TTC17: variants seen among roughly 807,000 people sequenced by gnomAD.
The protein encoded by TTC17 is tetratricopeptide repeat domain 17, also known as tetratricopeptide repeat protein 17.
Under a neutral mutation model 143.8 loss-of-function variants are expected in TTC17, and 58 were observed. The observed-to-expected ratio is 0.40, with a 90% CI of 0.33 to 0.50. The LOEUF (loss-of-function observed/expected upper bound fraction) is 0.50, where lower values mean the gene tolerates loss of function less well. Among genes scored for constraint, TTC17 ranks in the 20% least tolerant of loss-of-function variants. The pLI is 0.49. For synonymous variants in TTC17, 501 were observed against 497.8 expected (o/e 1.01, Z -0.09); for missense variants, 1,273 against 1,392.5 (o/e 0.91, Z 1.37).
At chr11:43,396,680 G>A (rs755846402) in intron 5 of TTC17, 29 bp from the exon 6 acceptor site, 1 of 1,388,852 alleles carries the variant, frequency 7.2e-7, no homozygotes, top group Non-Finnish European at 1.0e-6. Flanking sequence ...CTTGAGTCGT[G>A]TTTGTAATTT....
In TTC17 at chr11:43,493,852, T is replaced by C. The variant is rs1394445904; in HGVS notation, c.3374T>C (p.Ile1125Thr). 6.2e-7 allele frequency: 1 copy of C among 1,614,052 alleles called. No homozygotes were observed. The highest frequency in any genetic ancestry group is 8.5e-7 in the Non-Finnish European group (1 of 1,179,952). Residue 1125 changes from isoleucine to threonine, a missense_variant, in exon 24 of 24, where the codon ATC becomes ACC. Transcript: ENST00000039989. ...GAGTTTGTCCCAGCCAAGAACCGAA[T>C]CCAGACCATCCAGTGTCACTTAATG... ...QPEFVPAKNR[I>T]QTIQCHLMLK...
At chr11:43,444,407 T>C in intron 18 of TTC17, 198 bp downstream of exon 18, 1 of 428,802 alleles carries the variant, frequency 2.3e-6, no homozygotes, top group South Asian at 6.7e-5. Flanking sequence ...CAAATTCCAG[T>C]GGATTTAACA....
chr11:43,436,239 C>T (rs765185072), intron 16 of TTC17: 2 of 1,483,496 alleles, frequency 1.3e-6, no homozygotes, highest in Non-Finnish European at 8.9e-7. Context: ...TCACTGGATG[C>T]TGCTGAAGAA....
intron 1 of TTC17, among the ~76,000 whole-genome samples, chr11:43,361,615 T>C (rs1856107370): frequency 1.3e-5 from 2 of 152,248 alleles, no homozygotes. Flanking sequence ...TCAGTACAGT[T>C]GCTACCAAAT....
intron 3 of TTC17, 47 bp from the exon 4 acceptor site, chr11:43,391,418 T>C (rs950327385): frequency 1.1e-5 from 13 of 1,218,142 alleles, no homozygotes; most frequent in African/African-American, 3.1e-5. Flanking sequence ...AAATAAAATA[T>C]TGTTTATCTC....
At chr11:43,465,615 G>A (rs560458328) in intron 21 of TTC17, among the ~76,000 whole-genome samples, 12 of 152,158 alleles carry the variant, frequency 7.9e-5, no homozygotes, top group South Asian at 4.2e-4. Flanking sequence ...AGACAATGGC[G>A]AGCCCAAAAA....
At chr11:43,416,130 T>G (rs1946772962) in intron 16 of TTC17, among the ~76,000 whole-genome samples, 1 of 152,170 alleles carries the variant, frequency 6.6e-6, no homozygotes, top group African/African-American at 2.4e-5. Flanking sequence ...TTGTGAATTT[T>G]TATCTTCTTA....
At chr11:43,390,704 A>T (rs771694495) in intron 3 of TTC17, among the ~76,000 whole-genome samples, 1 of 151,916 alleles carries the variant, frequency 6.6e-6, no homozygotes, top group African/African-American at 2.4e-5. Context: ...AACAATTTGT[A>T]GTTAAAAAAA....
Position 43,405,837 on chromosome 11 carries a change from C to T in TTC17, c.1647C>T (p.Thr549=), listed in dbSNP as rs746667898. ...ATTCTACAGAAGAAGAGGCCCAAAC[C>T]CCTGACTGTTCCATAACTGACTTCA... ...DDYSTEEEAQ[T]PDCSITDFRK... Residue 549 remains threonine, a synonymous_variant, in exon 13 of 24, where the codon ACC becomes ACT. Coordinates refer to ENST00000039989, the MANE Select transcript of TTC17 (RefSeq NM_018259.6). 14 of 1,613,976 alleles carry T rather than the reference C, an allele frequency of 8.7e-6. No individual in the cohort carries two copies. The highest frequency in any genetic ancestry group is 5.5e-5 in the South Asian group (5 of 91,076).
intron 21 of TTC17, among the ~76,000 whole-genome samples, chr11:43,484,890 A>G (rs1052132927): frequency 2.0e-5 from 3 of 151,982 alleles, no homozygotes; most frequent in African/African-American, 7.3e-5. Flanking sequence ...GCCACTCCCC[A>G]TCGCTCGCAT....
intron 16 of TTC17, among the ~76,000 whole-genome samples, chr11:43,439,587 C>T (rs1308378428): frequency 1.3e-5 from 2 of 151,798 alleles, no homozygotes; most frequent in Non-Finnish European, 2.9e-5. Flanking sequence ...CCTGCCTCAG[C>T]CTCCCGAGGT....
At chr11:43,439,936 A>C (rs972599761) in intron 16 of TTC17, among the ~76,000 whole-genome samples, 2 of 152,162 alleles carry the variant, frequency 1.3e-5, no homozygotes, top group Non-Finnish European at 2.9e-5. Flanking sequence ...ATTCTCTCCA[A>C]CTTCACAATA....
At chr11:43,453,307 G>A (rs1018818451) in intron 21 of TTC17, among the ~76,000 whole-genome samples, 1 of 151,970 alleles carries the variant, frequency 6.6e-6, no homozygotes, top group Admixed American at 6.6e-5. Flanking sequence ...TGCACTGTGT[G>A]CCATAGAAAA....
chr11:43,369,460 A>T (rs780609332), intron 1 of TTC17, among the ~76,000 whole-genome samples: 9 of 152,202 alleles, frequency 5.9e-5, no homozygotes, highest in African/African-American at 9.6e-5. Flanking sequence ...AATCCAGTTG[A>T]GGGTAAAACT....
chr11:43,417,848 G>T (rs568844128), intron 16 of TTC17, among the ~76,000 whole-genome samples: 1 of 152,126 alleles, frequency 6.6e-6, no homozygotes, highest in African/African-American at 2.4e-5. Flanking sequence ...GCGAGACTCC[G>T]TCTCAAAAAA....
chr11:43,438,982 C>A (rs1272821566), intron 16 of TTC17, among the ~76,000 whole-genome samples: 2 of 152,186 alleles, frequency 1.3e-5, no homozygotes, highest in Non-Finnish European at 2.9e-5. Context: ...TTGAGCCTCT[C>A]ATTTCTAGTT....
chr11:43,442,669 G>A (rs1947449086), intron 16 of TTC17, among the ~76,000 whole-genome samples: 1 of 152,214 alleles, frequency 6.6e-6, no homozygotes, highest in African/African-American at 2.4e-5. Context: ...AACATACTGA[G>A]TTCTCAGGAG....
rs372106423 is a variant in TTC17, at chr11:43,457,923, A to G, written c.3030+6658A>G. Among the ~76,000 whole-genome samples the G allele has an allele frequency of 2.0e-5, 3 of 152,082 alleles. No homozygotes were observed. In the East Asian group the frequency reaches 5.8e-4, roughly 29 times the overall value. ...GAAGAAATGGGCTAGAATGTTCCAA[A>G]ATGGATGAAAGGTAGCCTACAGATT... On this transcript the variant is annotated intron_variant, in intron 21 of 23. Coordinates refer to ENST00000039989, the MANE Select transcript of TTC17 (RefSeq NM_018259.6).
chr11:43,434,353 G>A (rs1395167380), intron 16 of TTC17, among the ~76,000 whole-genome samples: 1 of 152,128 alleles, frequency 6.6e-6, no homozygotes, highest in Non-Finnish European at 1.5e-5. Flanking sequence ...TGTGCCTGTT[G>A]CTTTGCCCAA....
Sources: gnomAD v4.1 joint callset for allele counts (sites outside exome capture counted in the v4.1 genomes callset) on GRCh38, gnomAD v4.1.1 for gene constraint, MANE v1.5 for transcripts, NCBI Gene and HGNC (gene_info 2026-07-23, HGNC 2026-07-21) for gene names.